Variants in TRAPPC9 observed in about 807,000 individuals in gnomAD.
The protein encoded by TRAPPC9 is trafficking protein particle complex subunit 9.
TRAPPC9 carries 83 observed loss-of-function variants against 124.0 expected under a neutral mutation model. That is an observed-to-expected ratio of 0.67 (90% CI 0.56 to 0.80). The LOEUF is 0.80. Ranked by LOEUF, TRAPPC9 falls within the 30% of genes least tolerant of loss-of-function variation. The pLI, the probability that TRAPPC9 is intolerant of heterozygous loss-of-function variation, is 0.00. For synonymous variants in TRAPPC9, 638 were observed against 617.5 expected (o/e 1.03, Z -0.49); for missense variants, 1,302 against 1,508.3 (o/e 0.86, Z 2.27).
intron 19 of TRAPPC9, among the ~76,000 whole-genome samples, chr8:139,973,676 CG>C (rs1468142531): frequency 6.6e-6 from 1 of 152,176 alleles, no homozygotes; most frequent in Admixed American, 6.5e-5. Flanking sequence ...CCGGAAGGCA[CG>C]GGTGAAACCA....
At chr8:139,885,531 A>G (rs1241030584) in intron 21 of TRAPPC9, among the ~76,000 whole-genome samples, 1 of 152,204 alleles carries the variant, frequency 6.6e-6, no homozygotes, top group Non-Finnish European at 1.5e-5. Flanking sequence ...ACCCCGCCAG[A>G]CACAGTCAAT....
At chr8:139,899,591 T>C (rs1180578888) in intron 20 of TRAPPC9, among the ~76,000 whole-genome samples, 3 of 152,126 alleles carry the variant, frequency 2.0e-5, no homozygotes, top group African/African-American at 4.8e-5. Flanking sequence ...ACCTGTGTTG[T>C]TCAAGGGTCA....
At chr8:140,273,995 G>A (rs1563906477) in intron 15 of TRAPPC9, among the ~76,000 whole-genome samples, 1 of 152,146 alleles carries the variant, frequency 6.6e-6, no homozygotes, top group Non-Finnish European at 1.5e-5. Context: ...CTGGGCCCCG[G>A]CTCCCCAGGG....
rs371419702 is a variant in TRAPPC9 at position 139,897,904 on chromosome 8, G to C, written c.2965-11935C>G. On this transcript the variant is annotated intron_variant, in intron 20 of 22. Coordinates refer to ENST00000438773, the MANE Select transcript of TRAPPC9 (RefSeq NM_001160372.4). ...CTTTTGGGTGCTGTGGAACGTTAGA[G>C]GCACTTGTGTTGCCCCTTGAAGAGG... Among the ~76,000 whole-genome samples, 8 of 152,378 alleles carry C rather than the reference G, an allele frequency of 5.3e-5. No individual in the cohort carries two copies. In the East Asian group the frequency reaches 9.6e-4, roughly 18 times the overall value.
At chr8:139,743,329 C>A (rs551857042) in intron 21 of TRAPPC9, among the ~76,000 whole-genome samples, 1 of 152,278 alleles carries the variant, frequency 6.6e-6, no homozygotes, top group Admixed American at 6.5e-5. Context: ...CAACCTTTTG[C>A]GCTGGCGAGA....
chr8:140,369,966 A>G (rs1214808908), intron 8 of TRAPPC9, among the ~76,000 whole-genome samples: 1 of 152,042 alleles, frequency 6.6e-6, no homozygotes, highest in East Asian at 1.9e-4. Flanking sequence ...AAAAAAAATA[A>G]AAATAAAAAG....
chr8:139,730,929 G>C lies in TRAPPC9; in HGVS notation c.*132C>G, dbSNP rs973495008. On this transcript the variant is annotated 3_prime_UTR_variant, in exon 23 of 23. Transcript: ENST00000438773. Reference sequence around the variant, plus strand: ...AGATGCTACAGGAGGAACAGGAGGAGAGGGCTGGGAGGGGTCTGGGGGAGG... The same window carrying C: ...AGATGCTACAGGAGGAACAGGAGGACAGGGCTGGGAGGGGTCTGGGGGAGG... 2 of 998,386 alleles carry C rather than the reference G, an allele frequency of 2.0e-6. No individual in the cohort carries two copies. The highest frequency in any genetic ancestry group is 2.9e-6 in the Non-Finnish European group (2 of 682,460). The allele number at this position is 998,386 out of a possible 1,614,324, so 61.8% of individuals were successfully genotyped here. A position where few individuals can be genotyped will look rare whatever the true frequency, so the allele number is the denominator to read the frequency against.
intron 21 of TRAPPC9, among the ~76,000 whole-genome samples, chr8:139,885,069 A>G (rs1023727568): frequency 2.0e-5 from 3 of 152,240 alleles, no homozygotes; most frequent in African/African-American, 7.2e-5. Context: ...GGAGCTACTC[A>G]TTCACAATGA....
intron 16 of TRAPPC9, chr8:140,238,533 C>A (rs922943540): frequency 1.3e-5 from 2 of 152,206 alleles, no homozygotes; most frequent in East Asian, 1.9e-4. Flanking sequence ...GGAGATGGCA[C>A]GGGCTAAATA....
At chr8:140,226,969 A>G (rs2063469437) in intron 16 of TRAPPC9, among the ~76,000 whole-genome samples, 1 of 152,238 alleles carries the variant, frequency 6.6e-6, no homozygotes, top group Non-Finnish European at 1.5e-5. Context: ...AAAAATACTA[A>G]GAAAGCCACT....
chr8:140,028,700 C>T (rs1840310344), intron 17 of TRAPPC9, among the ~76,000 whole-genome samples: 2 of 152,228 alleles, frequency 1.3e-5, no homozygotes, highest in Admixed American at 1.3e-4. Context: ...CACAGTGCCA[C>T]CCTTGGGGCA....
intron 21 of TRAPPC9, among the ~76,000 whole-genome samples, chr8:139,807,783 G>A (rs1824171457): frequency 6.6e-6 from 1 of 152,104 alleles, no homozygotes. Flanking sequence ...GAGCCCAGAG[G>A]AGGAGCTCAA....
At chr8:140,179,330 C>T (rs1307820534) in intron 17 of TRAPPC9, among the ~76,000 whole-genome samples, 6 of 152,060 alleles carry the variant, frequency 3.9e-5, no homozygotes, top group Non-Finnish European at 5.9e-5. Flanking sequence ...CTTCTTGGAG[C>T]CCACGGGTTA....
In TRAPPC9 at chr8:140,248,041, ACT is replaced by A. The variant is rs1315457216; in HGVS notation, c.2431+4734_2431+4735del. On this transcript the variant is annotated intron_variant, in intron 16 of 22. Transcript: ENST00000438773. ...CGCTGCTTATGTTTTCACTAGAATC[ACT>A]CTGCATAGAGTTTGGCCATGATCCT... Among the ~76,000 whole-genome samples, 4 of 152,000 alleles carry A rather than the reference ACT, an allele frequency of 2.6e-5. No homozygotes were observed. In the South Asian group the frequency reaches 8.3e-4, roughly 32 times the overall value.
At chr8:139,937,551 G>A (rs552150356) in intron 19 of TRAPPC9, among the ~76,000 whole-genome samples, 12 of 152,220 alleles carry the variant, frequency 7.9e-5, no homozygotes, top group African/African-American at 2.4e-4. Flanking sequence ...TGGCAGGGCC[G>A]GTGCTGGGGC....
chr8:139,773,858 C>T (rs1297107293), intron 21 of TRAPPC9, among the ~76,000 whole-genome samples: 1 of 152,230 alleles, frequency 6.6e-6, no homozygotes, highest in East Asian at 1.9e-4. Flanking sequence ...ATTAAAATGT[C>T]TAAAAATAAA....
At chr8:139,838,783 C>T (rs1826531862) in intron 21 of TRAPPC9, among the ~76,000 whole-genome samples, 1 of 152,194 alleles carries the variant, frequency 6.6e-6, no homozygotes, top group Non-Finnish European at 1.5e-5. Flanking sequence ...GACAGGCTCT[C>T]TAAATGAGGC....
intron 14 of TRAPPC9, among the ~76,000 whole-genome samples, chr8:140,278,346 T>C (rs1248109297): frequency 6.6e-6 from 1 of 152,188 alleles, no homozygotes; most frequent in Non-Finnish European, 1.5e-5. Context: ...CCTCAGGTGA[T>C]CCACCTGCCT....
At chr8:139,955,361 C>G (rs1274170279) in intron 19 of TRAPPC9, among the ~76,000 whole-genome samples, 2 of 152,108 alleles carry the variant, frequency 1.3e-5, no homozygotes, top group Non-Finnish European at 2.9e-5. Flanking sequence ...TGACACACAG[C>G]ACCAGCCGCA....
Sources: gnomAD v4.1 joint callset for allele counts (sites outside exome capture counted in the v4.1 genomes callset) on GRCh38, gnomAD v4.1.1 for gene constraint, MANE v1.5 for transcripts, NCBI Gene and HGNC (gene_info 2026-07-23, HGNC 2026-07-21) for gene names.